Variants in KREMEN1 observed in about 807,000 individuals in gnomAD.
KREMEN1 encodes kremen protein 1.
In KREMEN1, 30 loss-of-function variants were observed where a neutral mutation model predicts 46.5. The observed-to-expected ratio is 0.65, with a 90% confidence interval of 0.48 to 0.88. KREMEN1 has a LOEUF of 0.88. Ranked by LOEUF, KREMEN1 falls within the 40% of genes least tolerant of loss-of-function variation. The probability of loss-of-function intolerance (pLI) is 0.00; values close to 1 mark genes in which losing one functional copy is unlikely to be tolerated. For missense variants in KREMEN1, 533 were observed against 596.9 expected (o/e 0.89, Z 1.11); for synonymous variants, 214 against 230.6 (o/e 0.93, Z 0.65).
chr22:29,126,833 G>A (rs75130012), intron 5 of KREMEN1, among the ~76,000 whole-genome samples: 2,651 of 152,288 alleles, frequency 0.017, 78 homozygotes, highest in African/African-American at 0.06. Context: ...GCCCATTGGA[G>A]ACTGCCAGTT....
At chr22:29,167,391 C>T (rs2039062197) in exon 10 of KREMEN1, 1 of 443,160 alleles carries the variant, frequency 2.3e-6, no homozygotes, top group African/African-American at 2.0e-5. Flanking sequence ...GAAACGGTGT[C>T]CTCCGCACAG....
intron 5 of KREMEN1, among the ~76,000 whole-genome samples, chr22:29,132,902 T>C (rs1490102835): frequency 6.6e-6 from 1 of 152,198 alleles, no homozygotes; most frequent in Non-Finnish European, 1.5e-5. Context: ...GCTCTATCTT[T>C]ATTCCCCTGT....
rs2123911605 is a variant in KREMEN1 at position 29,073,124 on chromosome 22, A to G, written c.-7A>G. On this transcript the variant is annotated 5_prime_UTR_variant, in exon 1 of 9. The change abolishes the stop of an existing upstream ORF in the 5' untranslated region. Coordinates refer to ENST00000400335, the MANE Select transcript of KREMEN1 (RefSeq NM_001039570.3). This position sits in a 1 kb window ranked among gnomAD's most constrained non-coding sequence, Gnocchi z 4.4. ...GGCCGCGCCCCGGGGCCCCGCACTG[A>G]CGGCCCATGGCGCCGCCAGCCGCCC... 1.9e-6 allele frequency: 2 copies of G among 1,034,430 alleles called. No homozygotes were observed. The highest frequency in any genetic ancestry group is 2.3e-6 in the Non-Finnish European group (2 of 861,450). 64.1% of individuals were successfully genotyped at this position (1,034,430 alleles called of 1,614,324 possible). A position where few individuals can be genotyped will look rare whatever the true frequency, so the allele number is the denominator to read the frequency against.
At chr22:29,129,861 TG>T (rs2038506962) in intron 5 of KREMEN1, among the ~76,000 whole-genome samples, 1 of 152,176 alleles carries the variant, frequency 6.6e-6, no homozygotes, top group African/African-American at 2.4e-5. Context: ...CTGTGTACTG[TG>T]GGCAAGCACA....
intron 6 of KREMEN1, 75 bp from the exon 7 acceptor site, chr22:29,138,549 C>A: frequency 7.1e-7 from 1 of 1,414,178 alleles, no homozygotes; most frequent in Non-Finnish European, 1.0e-6. Context: ...TTCTTCATAA[C>A]TCGTGCTCTC....
downstream of KREMEN1, among the ~76,000 whole-genome samples, chr22:29,148,209 G>A (rs1329082585): frequency 3.3e-5 from 5 of 152,146 alleles, no homozygotes; most frequent in Non-Finnish European, 7.4e-5. Context: ...CTGTCCGGCA[G>A]GCATTGGACA....
At chr22:29,133,541 T>C (rs2145837609) in intron 5 of KREMEN1, among the ~76,000 whole-genome samples, 1 of 152,290 alleles carries the variant, frequency 6.6e-6, no homozygotes, top group African/African-American at 2.4e-5. Flanking sequence ...GCTCAAGCAG[T>C]CCTCCTGCCT....
chr22:29,146,222 T>C lies in KREMEN1; in HGVS notation c.*4110T>C, dbSNP rs1262475943. On this transcript the variant is annotated 3_prime_UTR_variant, in exon 9 of 9. Coordinates refer to ENST00000400335, the MANE Select transcript of KREMEN1 (RefSeq NM_001039570.3). ...GTTTCCTCTGGTGTCTTTGTTTACC[T>C]TCCTCACTGTTCTACCTCCTGGCCA... is the stretch of plus-strand genomic sequence containing the variant. 3 of 985,872 alleles carry C rather than the reference T, an allele frequency of 3.0e-6. No homozygotes were observed. The highest frequency in any genetic ancestry group is 3.5e-5 in the African/African-American group (2 of 57,232). 61.1% of individuals were successfully genotyped at this position (985,872 alleles called of 1,614,324 possible).
At chr22:29,111,200 C>T (rs1569322074) in intron 3 of KREMEN1, among the ~76,000 whole-genome samples, 2 of 151,236 alleles carry the variant, frequency 1.3e-5, no homozygotes, top group African/African-American at 2.4e-5. Context: ...CCCAGCTACT[C>T]GGGAGGCTGA....
Position 29,145,768 on chromosome 22 carries a change from G to A in KREMEN1, c.*3656G>A. 1 of 985,574 alleles carries A rather than the reference G, an allele frequency of 1.0e-6. No individual in the cohort carries two copies. The allele number at this position is 985,574 out of a possible 1,614,324, so 61.1% of individuals were successfully genotyped here. A position where few individuals can be genotyped will look rare whatever the true frequency, so the allele number is the denominator to read the frequency against. On this transcript the variant is annotated 3_prime_UTR_variant, in exon 9 of 9. Coordinates refer to ENST00000400335, the MANE Select transcript of KREMEN1 (RefSeq NM_001039570.3). ...TGGGCGTGAGCGAGGAAACCAGGCT[G>A]CTCTAACTTCTGAAGAGTGGGCTCT...
Position 29,142,986 on chromosome 22 carries a change from C to G in KREMEN1, c.*874C>G, listed in dbSNP as rs1331381716. The G allele has an allele frequency of 1.8e-6, 1 of 565,964 alleles. No homozygotes were observed. The highest frequency in any genetic ancestry group is 2.0e-5 in the African/African-American group (1 of 48,984). 35.1% of individuals were successfully genotyped at this position (565,964 alleles called of 1,614,324 possible). A position where few individuals can be genotyped will look rare whatever the true frequency, so the allele number is the denominator to read the frequency against. ...CCAACATGGTGAAACCCCGTCTCTA[C>G]TAAAAATATAAAAATTAGTCAGGCG... On this transcript the variant is annotated 3_prime_UTR_variant, in exon 9 of 9. Transcript: ENST00000400335.
At chr22:29,148,364 G>A (rs1187183465), downstream of KREMEN1, among the ~76,000 whole-genome samples, 1 of 152,208 alleles carries the variant, frequency 6.6e-6, no homozygotes, top group Non-Finnish European at 1.5e-5. Flanking sequence ...GAGGCAGTGA[G>A]GGAGTGCCTG....
At chr22:29,126,805 G>GT (rs1569328943) in intron 5 of KREMEN1, among the ~76,000 whole-genome samples, 1 of 152,110 alleles carries the variant, frequency 6.6e-6, no homozygotes, top group African/African-American at 2.4e-5. Flanking sequence ...CAGTCAATTG[G>GT]TTTTTTTAGC....
intron 1 of KREMEN1, among the ~76,000 whole-genome samples, chr22:29,089,191 T>G (rs1035414759): frequency 6.6e-6 from 1 of 152,210 alleles, no homozygotes; most frequent in African/African-American, 2.4e-5. Context: ...ATTTGCGTAC[T>G]CTACATCTCC....
At position 29,142,184 on chromosome 22, in the gene KREMEN1, T is replaced by C. The variant is rs879042761; in HGVS notation, c.*72T>C. ...CTGCCGTGGTCAACCTCTCCTGTGG[T>C]TCTTCTCTGACAGACTCTTCCCCTC... On this transcript the variant is annotated 3_prime_UTR_variant, in exon 9 of 9. Coordinates refer to ENST00000400335, the MANE Select transcript of KREMEN1 (RefSeq NM_001039570.3). 3.0e-5 allele frequency: 44 copies of C among 1,462,942 alleles called. No homozygotes were observed. In the South Asian group the frequency reaches 5.5e-4, roughly 18 times the overall value. 90.6% of individuals were successfully genotyped at this position (1,462,942 alleles called of 1,614,324 possible).
chr22:29,124,794 TG>T (rs1211280883), intron 4 of KREMEN1, among the ~76,000 whole-genome samples: 3 of 152,114 alleles, frequency 2.0e-5, no homozygotes, highest in African/African-American at 7.2e-5. Context: ...TGCCCGGCTG[TG>T]GTTACACAAA....
intron 9 of KREMEN1, among the ~76,000 whole-genome samples, chr22:29,164,823 G>A (rs945406179): frequency 6.6e-6 from 1 of 151,220 alleles, no homozygotes; most frequent in Non-Finnish European, 1.5e-5. Context: ...GGATTCAAGA[G>A]CAGTTTAGGC....
At chr22:29,103,286 G>A (rs961504659) in intron 3 of KREMEN1, among the ~76,000 whole-genome samples, 2 of 152,160 alleles carry the variant, frequency 1.3e-5, no homozygotes, top group South Asian at 4.1e-4. Context: ...GGAGCCAGGG[G>A]GAATGAATGT....
chr22:29,135,397 TG>T (rs1437244040), intron 5 of KREMEN1, among the ~76,000 whole-genome samples: 3 of 152,220 alleles, frequency 2.0e-5, no homozygotes, highest in Non-Finnish European at 4.4e-5. Flanking sequence ...CTGTTTTCAG[TG>T]GCCCTGGGAG....
Sources: allele counts gnomAD v4.1 joint callset (sites outside exome capture counted in the v4.1 genomes callset), GRCh38; gene constraint gnomAD v4.1.1; non-coding constraint Gnocchi (gnomAD v3.1); transcripts MANE v1.5; gene names NCBI Gene and HGNC (gene_info 2026-07-23, HGNC 2026-07-21).